Variants in ADAMTS19 observed in about 807,000 individuals in gnomAD.
The protein encoded by ADAMTS19 is ADAM metallopeptidase with thrombospondin type 1 motif 19.
Under a neutral mutation model 153.3 loss-of-function variants are expected in ADAMTS19, and 93 were observed. The observed-to-expected ratio is 0.61, with a 90% CI of 0.51 to 0.72. The LOEUF is 0.72. ADAMTS19 is among the 30% of genes least tolerant of loss of function. The probability of loss-of-function intolerance (pLI) is 0.00; values close to 1 mark genes in which losing one functional copy is unlikely to be tolerated. For synonymous variants in ADAMTS19, 600 were observed against 556.6 expected (o/e 1.08, Z -1.10); for missense variants, 1,482 against 1,552.1 (o/e 0.95, Z 0.76).
chr5:129,637,810 T>C (rs1414097151), intron 10 of ADAMTS19, among the ~76,000 whole-genome samples: 3 of 152,134 alleles, frequency 2.0e-5, no homozygotes, highest in Non-Finnish European at 4.4e-5. Context: ...ATTGTGCTAC[T>C]GCACTCCAGC....
intron 15 of ADAMTS19, among the ~76,000 whole-genome samples, chr5:129,659,837 C>A (rs1487358281): frequency 6.6e-6 from 1 of 152,128 alleles, no homozygotes; most frequent in Non-Finnish European, 1.5e-5. Flanking sequence ...GTCCTCCCAT[C>A]TTGGCATCCC....
At position 129,469,100 on chromosome 5, in the gene ADAMTS19, T is replaced by C. The variant is rs1373648234; in HGVS notation, c.747+7343T>C. 3.3e-5 allele frequency among the ~76,000 whole-genome samples: 5 copies of C among 152,122 alleles called. No individual in the cohort carries two copies. The East Asian group carries it at 5.8e-4, about 18-fold the overall frequency. On this transcript the variant is annotated intron_variant, in intron 2 of 22. Transcript: ENST00000274487. ...CCATCTTTTACTTATTTTTCTATTA[T>C]ATATTTTTATTTCTAATTCCAAAGT...
intron 8 of ADAMTS19, among the ~76,000 whole-genome samples, chr5:129,610,726 T>A (rs953574325): frequency 1.3e-4 from 20 of 152,298 alleles, no homozygotes; most frequent in Non-Finnish European, 2.1e-4. Context: ...TCTTTGCTAT[T>A]GTGAATAGTG....
In ADAMTS19 at chr5:129,535,028, A is replaced by C. The variant is rs546013893; in HGVS notation, c.1328+6351A>C. 4.6e-5 allele frequency among the ~76,000 whole-genome samples: 7 copies of C among 152,134 alleles called. No individual in the cohort carries two copies. In the East Asian group the frequency reaches 1.4e-3, roughly 29 times the overall value. ...CAAGACAGGGATGCCCTCTCTCACC[A>C]CTCCTATTCAACATAGTGTTGGAAG... is the stretch of plus-strand genomic sequence containing the variant. On this transcript the variant is annotated intron_variant, in intron 6 of 22. Transcript: ENST00000274487.
intron 3 of ADAMTS19, among the ~76,000 whole-genome samples, chr5:129,523,187 A>T (rs1751887374): frequency 6.6e-6 from 1 of 152,176 alleles, no homozygotes; most frequent in South Asian, 2.1e-4. Context: ...AGAATAGAAT[A>T]GGCAAGCTAA....
rs772964482 is a variant in ADAMTS19, at chr5:129,509,196, C to T, written c.867C>T (p.Val289=). The T allele has an allele frequency of 1.2e-6, 2 of 1,612,164 alleles. No individual in the cohort carries two copies. The highest frequency in any genetic ancestry group is 2.2e-5 in the East Asian group (1 of 44,790). The change falls in exon 3 of 23, where the codon GTC becomes GTT. Residue 289 remains valine, a synonymous_variant. Transcript: ENST00000274487. The stretch of plus-strand genomic sequence containing the variant: ...AGAAAAGGTCCATGGAGGAAAAGGT[C>T]ACAGAGAAGTCAGCTCTTCACAGTC... The part of the protein sequence containing the change: ...YRQKRSMEEK[V]TEKSALHSHY...
chr5:129,493,644 C>A (rs1171824106), intron 2 of ADAMTS19, among the ~76,000 whole-genome samples: 1 of 152,132 alleles, frequency 6.6e-6, no homozygotes, highest in Non-Finnish European at 1.5e-5. Flanking sequence ...TTGACTCTAC[C>A]TGTTCAATAA....
At chr5:129,534,413 G>C (rs556217631) in intron 6 of ADAMTS19, among the ~76,000 whole-genome samples, 1 of 152,244 alleles carries the variant, frequency 6.6e-6, no homozygotes, top group East Asian at 1.9e-4. Flanking sequence ...AACAGGCTCT[G>C]AAATTGAGGC....
intron 4 of ADAMTS19, among the ~76,000 whole-genome samples, chr5:129,526,718 A>G (rs1214398190): frequency 6.6e-6 from 1 of 151,466 alleles, no homozygotes; most frequent in Non-Finnish European, 1.5e-5. Flanking sequence ...TTTTTTTGGT[A>G]CTGTTCTTTT....
At chr5:129,629,411 C>G (rs1326963901) in intron 10 of ADAMTS19, among the ~76,000 whole-genome samples, 1 of 151,950 alleles carries the variant, frequency 6.6e-6, no homozygotes, top group African/African-American at 2.4e-5. Flanking sequence ...TTCACAGCAA[C>G]CTTCAATATG....
At position 129,461,194 on chromosome 5, in the gene ADAMTS19, G is replaced by A. The variant is rs1329591755; in HGVS notation, c.184G>A (p.Gly62Ser). ...GGTGGACCCGGCTGGCGGCAGCGGG[G>A]GCAGCGCGGACCCGGGCTGGGTGCG... ...EPVDPAGGSG[G>S]SADPGWVRGV... The change falls in exon 2 of 23, where the codon GGC (glycine) becomes AGC (serine). Residue 62 changes from glycine to serine, a missense_variant. Coordinates refer to ENST00000274487, the MANE Select transcript of ADAMTS19 (RefSeq NM_133638.6). This position sits in a 1 kb window ranked among gnomAD's most constrained non-coding sequence, Gnocchi z 4.6. 2.2e-6 allele frequency: 3 copies of A among 1,344,858 alleles called. No individual in the cohort carries two copies. Among genetic ancestry groups the A allele is most frequent in the African/African-American group, 3.0e-5 (2 of 65,830 alleles). The allele number at this position is 1,344,858 out of a possible 1,614,324, so 83.3% of individuals were successfully genotyped here.
chr5:129,688,038 A>G (rs1409285528), intron 18 of ADAMTS19: 1 of 152,174 alleles, frequency 6.6e-6, no homozygotes, highest in East Asian at 1.9e-4. Flanking sequence ...AATGGGGTGC[A>G]TATTCATTTC....
At chr5:129,574,720 T>C (rs1044079021) in intron 7 of ADAMTS19, among the ~76,000 whole-genome samples, 4 of 152,018 alleles carry the variant, frequency 2.6e-5, no homozygotes, top group African/African-American at 7.2e-5. Flanking sequence ...TTGATGAGTT[T>C]GGATGTATAT....
chr5:129,606,547 C>T (rs1417244090), intron 8 of ADAMTS19, among the ~76,000 whole-genome samples: 1 of 152,194 alleles, frequency 6.6e-6, no homozygotes, highest in Non-Finnish European at 1.5e-5. Flanking sequence ...TCTTTCTAAT[C>T]TACTCACACA....
At chr5:129,592,134 T>G (rs1179682758) in intron 7 of ADAMTS19, among the ~76,000 whole-genome samples, 1 of 152,048 alleles carries the variant, frequency 6.6e-6, no homozygotes, top group Non-Finnish European at 1.5e-5. Context: ...TCCCAGCACT[T>G]TGGGAATCTG....
At chr5:129,623,352 C>T (rs1431208714) in intron 10 of ADAMTS19, among the ~76,000 whole-genome samples, 2 of 152,046 alleles carry the variant, frequency 1.3e-5, no homozygotes, top group East Asian at 3.9e-4. Flanking sequence ...CCTATCTGCC[C>T]ATCTCCTCTC....
intron 20 of ADAMTS19, among the ~76,000 whole-genome samples, chr5:129,703,743 A>T (rs909553452): frequency 6.6e-6 from 1 of 152,250 alleles, no homozygotes; most frequent in African/African-American, 2.4e-5. Flanking sequence ...AAGAAAAAAA[A>T]ATCTGAATTT....
intron 6 of ADAMTS19, among the ~76,000 whole-genome samples, chr5:129,543,234 A>G (rs1056939711): frequency 6.6e-6 from 1 of 151,504 alleles, no homozygotes; most frequent in Admixed American, 6.6e-5. Context: ...TATTTTTTTT[A>G]GTAGAGACGG....
intron 7 of ADAMTS19, among the ~76,000 whole-genome samples, chr5:129,587,096 A>G (rs538914582): frequency 1.3e-5 from 2 of 152,106 alleles, no homozygotes; most frequent in African/African-American, 4.8e-5. Context: ...CTCTCCTCCT[A>G]TGTTTAATTT....
Sources: gnomAD v4.1 joint callset for allele counts (sites outside exome capture counted in the v4.1 genomes callset) on GRCh38, gnomAD v4.1.1 for gene constraint, Gnocchi (gnomAD v3.1) non-coding constraint, MANE v1.5 for transcripts, NCBI Gene and HGNC (gene_info 2026-07-23, HGNC 2026-07-21) for gene names.